NPAS3: variants seen among roughly 807,000 people sequenced by gnomAD.
NPAS3 encodes neuronal PAS domain-containing protein 3.
In NPAS3, 14 loss-of-function variants were observed where a neutral mutation model predicts 73.1. That is an observed-to-expected ratio of 0.19 (90% CI 0.13 to 0.30). NPAS3 has a LOEUF of 0.30. Among genes scored for constraint, NPAS3 ranks in the 10% least tolerant of loss-of-function variants. NPAS3 has a pLI of 1.00. For missense variants in NPAS3, 1,096 were observed against 1,250.0 expected, an observed-to-expected ratio of 0.88 and a Z score of 1.86; for synonymous variants, 620 against 541.5, an observed-to-expected ratio of 1.14 and a Z score of -2.01.
At chr14:33,581,152 A>C (rs1374910819) in intron 5 of NPAS3, among the ~76,000 whole-genome samples, 1 of 152,214 alleles carries the variant, frequency 6.6e-6, no homozygotes, top group Non-Finnish European at 1.5e-5. Flanking sequence ...CACAAGCGAA[A>C]ACATGTAATT....
chr14:33,506,766 A>G (rs2052783988), intron 4 of NPAS3, among the ~76,000 whole-genome samples: 1 of 152,062 alleles, frequency 6.6e-6, no homozygotes, highest in African/African-American at 2.4e-5. Context: ...GGGAATAAAA[A>G]TTCAGGTCTA....
upstream of NPAS3, among the ~76,000 whole-genome samples, chr14:32,937,084 T>C (rs1396488833): frequency 1.3e-5 from 2 of 152,040 alleles, no homozygotes; most frequent in African/African-American, 2.4e-5. Flanking sequence ...ATGACACCTG[T>C]TACTGTCTTT....
chr14:33,323,677 T>G (rs928557570), intron 3 of NPAS3, among the ~76,000 whole-genome samples: 1 of 152,246 alleles, frequency 6.6e-6, no homozygotes, highest in Non-Finnish European at 1.5e-5. Flanking sequence ...ACACTCCTCA[T>G]GATGATTTCA....
At chr14:33,232,964 C>T (rs1012421641) in intron 3 of NPAS3, among the ~76,000 whole-genome samples, 1 of 152,124 alleles carries the variant, frequency 6.6e-6, no homozygotes, top group Non-Finnish European at 1.5e-5. Flanking sequence ...TTGTAGGCCA[C>T]TTATACCCCA....
At chr14:32,982,483 G>A (rs1201925852) in intron 1 of NPAS3, among the ~76,000 whole-genome samples, 2 of 152,100 alleles carry the variant, frequency 1.3e-5, no homozygotes, top group Non-Finnish European at 2.9e-5. Context: ...GCAGAGGCAG[G>A]AGGATTGCTT....
intron 1 of NPAS3, among the ~76,000 whole-genome samples, chr14:32,987,443 C>T (rs555683037): frequency 1.1e-4 from 17 of 151,966 alleles, no homozygotes; most frequent in African/African-American, 3.1e-4. Context: ...TTACATTTTC[C>T]AGGATGGATT....
At chr14:33,204,601 G>A (rs978256788) in intron 2 of NPAS3, among the ~76,000 whole-genome samples, 10 of 152,036 alleles carry the variant, frequency 6.6e-5, no homozygotes, top group Non-Finnish European at 1.5e-4. Flanking sequence ...GTGACACACG[G>A]AAAAAGTCAG....
At chr14:33,542,665 T>A (rs1300712546) in intron 4 of NPAS3, among the ~76,000 whole-genome samples, 3 of 152,208 alleles carry the variant, frequency 2.0e-5, no homozygotes, top group Non-Finnish European at 4.4e-5. Context: ...GATTCTAAAA[T>A]CAAATGTCCA....
At chr14:33,396,263 A>T (rs1320342697) in intron 4 of NPAS3, among the ~76,000 whole-genome samples, 1 of 152,094 alleles carries the variant, frequency 6.6e-6, no homozygotes, top group African/African-American at 2.4e-5. Context: ...AGATGATTCA[A>T]CTCTCAGATT....
intron 1 of NPAS3, among the ~76,000 whole-genome samples, chr14:33,032,799 T>G (rs184520191): frequency 1.2e-3 from 178 of 152,330 alleles, no homozygotes; most frequent in Admixed American, 1.8e-3. Context: ...TCCAAACAAA[T>G]TATTTGTACT....
At chr14:32,975,320 C>T (rs2037617948) in intron 1 of NPAS3, among the ~76,000 whole-genome samples, 1 of 147,094 alleles carries the variant, frequency 6.8e-6, no homozygotes, top group East Asian at 2.2e-4. Flanking sequence ...CTCCGTCACT[C>T]CCTGCCTCCT....
At chr14:33,384,368 A>T (rs539971282) in intron 4 of NPAS3, among the ~76,000 whole-genome samples, 2 of 150,760 alleles carry the variant, frequency 1.3e-5, no homozygotes, top group East Asian at 3.9e-4. Context: ...TTCACACAGT[A>T]TTATTTTAAT....
intron 3 of NPAS3, among the ~76,000 whole-genome samples, chr14:33,280,487 C>A (rs967817611): frequency 6.6e-6 from 1 of 152,074 alleles, no homozygotes; most frequent in Non-Finnish European, 1.5e-5. Context: ...CGTGGTTTTG[C>A]CACTAGCTAT....
intron 11 of NPAS3, among the ~76,000 whole-genome samples, chr14:33,799,519 T>C (rs997067617): frequency 2.0e-5 from 3 of 152,154 alleles, no homozygotes; most frequent in African/African-American, 4.8e-5. Context: ...GCCCGCACTT[T>C]GAGTAACCAT....
chr14:33,792,637 C>A (rs2063394000), intron 9 of NPAS3, among the ~76,000 whole-genome samples: 1 of 151,110 alleles, frequency 6.6e-6, no homozygotes, highest in Non-Finnish European at 1.5e-5. Context: ...GTATATGAAG[C>A]ACTTATTAGC....
chr14:33,284,506 C>T (rs755909777), intron 3 of NPAS3, among the ~76,000 whole-genome samples: 26 of 152,126 alleles, frequency 1.7e-4, no homozygotes, highest in Non-Finnish European at 3.2e-4. Context: ...AAATGAAAAG[C>T]CTCTATGTAT....
chr14:33,399,498 C>A (rs1200678891), intron 4 of NPAS3, among the ~76,000 whole-genome samples: 1 of 152,054 alleles, frequency 6.6e-6, no homozygotes, highest in East Asian at 1.9e-4. Context: ...AGCACTTACT[C>A]CCTCTGTAAA....
intron 3 of NPAS3, among the ~76,000 whole-genome samples, chr14:33,323,313 A>C (rs2043543116): frequency 6.6e-6 from 1 of 152,188 alleles, no homozygotes; most frequent in Non-Finnish European, 1.5e-5. Flanking sequence ...ACAATTTTAT[A>C]ATGAAAATAA....
rs10144602 is a variant in NPAS3 at position 33,077,283 on chromosome 14, T to C, written c.140+21289T>C. Among the ~76,000 whole-genome samples the C allele has an allele frequency of 1.3e-3, 196 of 152,270 alleles. 1 individual carries two copies. Among genetic ancestry groups the C allele is most frequent in the African/African-American group, 4.4e-3 (184 of 41,544 alleles). ...GCTGAAAGGGTGACAATGAGCATAGTTGTGAAGGAGATGTGGGAGTGAGCT... is the reference window on the plus strand; with the variant it reads ...GCTGAAAGGGTGACAATGAGCATAGCTGTGAAGGAGATGTGGGAGTGAGCT... On this transcript the variant is annotated intron_variant, in intron 2 of 11. Coordinates refer to ENST00000356141, the Ensembl canonical transcript of NPAS3.
Sources: allele counts gnomAD v4.1 joint callset (sites outside exome capture counted in the v4.1 genomes callset), GRCh38; gene constraint gnomAD v4.1.1; transcripts MANE v1.5; gene names NCBI Gene and HGNC (gene_info 2026-07-23, HGNC 2026-07-21).